Variants in DOK6 observed in about 807,000 individuals in gnomAD.
DOK6 encodes docking protein 6.
Under a neutral mutation model 44.0 loss-of-function variants are expected in DOK6, and 22 were observed. The ratio of observed to expected loss-of-function variants is 0.50; its 90% CI spans 0.36 to 0.71. The LOEUF is 0.71. Among genes scored for constraint, DOK6 ranks in the 30% least tolerant of loss-of-function variants. The probability of loss-of-function intolerance (pLI) is 0.00; values close to 1 mark genes in which losing one functional copy is unlikely to be tolerated. For missense variants in DOK6, 340 were observed against 416.4 expected (o/e 0.82, Z 1.60); for synonymous variants, 166 against 145.5 (o/e 1.14, Z -1.01).
chr18:69,558,960 A>G (rs1242814016), intron 1 of DOK6, among the ~76,000 whole-genome samples: 1 of 152,140 alleles, frequency 6.6e-6, no homozygotes, highest in Non-Finnish European at 1.5e-5. Context: ...GCAACTGTTT[A>G]TAAACCTAAA....
intron 1 of DOK6, among the ~76,000 whole-genome samples, chr18:69,472,218 T>G (rs938037451): frequency 2.6e-5 from 4 of 152,166 alleles, no homozygotes; most frequent in Admixed American, 2.0e-4. Flanking sequence ...GTTAAAGAGA[T>G]ATAATAAAAA....
intron 1 of DOK6, among the ~76,000 whole-genome samples, chr18:69,503,672 G>T (rs745672698): frequency 2.0e-5 from 3 of 151,740 alleles, no homozygotes; most frequent in Non-Finnish European, 4.4e-5. Flanking sequence ...AAGATATTTT[G>T]CTTTAGCTAA....
intron 6 of DOK6, among the ~76,000 whole-genome samples, chr18:69,742,766 T>C (rs1401594398): frequency 1.3e-5 from 2 of 152,242 alleles, no homozygotes; most frequent in East Asian, 3.8e-4. Context: ...AACAAGATTA[T>C]TGCATGTCCT....
rs1982261649 is a variant in DOK6 at position 69,842,838 on chromosome 18, A to C, written c.*1455A>C. Reference sequence around the variant, plus strand: ...TGCCTAAGATGGTTATCTCTCAAATACTCTAGGGTGGGTTTAAAGAACAGT... The same window carrying C: ...TGCCTAAGATGGTTATCTCTCAAATCCTCTAGGGTGGGTTTAAAGAACAGT... On this transcript the variant is annotated 3_prime_UTR_variant, in exon 8 of 8. Transcript: ENST00000382713. 6.6e-6 allele frequency: 1 copy of C among 151,842 alleles called. No individual in the cohort carries two copies. The highest frequency in any genetic ancestry group is 1.5e-5 in the Non-Finnish European group (1 of 67,966). The allele number at this position is 151,842 out of a possible 1,614,324, so 9.4% of individuals were successfully genotyped here.
intron 1 of DOK6, chr18:69,532,724 T>A (rs1038706898): frequency 1.3e-5 from 2 of 152,124 alleles, no homozygotes; most frequent in African/African-American, 2.4e-5. Flanking sequence ...TAGCTGGACA[T>A]GGTGTTCCTC....
At chr18:69,825,174 G>C (rs984793366) in intron 7 of DOK6, among the ~76,000 whole-genome samples, 4 of 152,068 alleles carry the variant, frequency 2.6e-5, no homozygotes, top group African/African-American at 9.7e-5. Context: ...GAGACAAAAA[G>C]ACTCGAACAA....
At chr18:69,801,767 A>C (rs746948860) in intron 7 of DOK6, among the ~76,000 whole-genome samples, 1 of 152,178 alleles carries the variant, frequency 6.6e-6, no homozygotes, top group Non-Finnish European at 1.5e-5. Context: ...TCTCAGATTA[A>C]AACCATCTTA....
At chr18:69,512,128 T>A (rs906238031) in intron 1 of DOK6, among the ~76,000 whole-genome samples, 1 of 138,064 alleles carries the variant, frequency 7.2e-6, no homozygotes, top group Non-Finnish European at 1.6e-5. Context: ...TAAAATATAT[T>A]TTATTTTTGT....
chr18:69,477,262 C>A (rs1454322587), intron 1 of DOK6, among the ~76,000 whole-genome samples: 1 of 152,104 alleles, frequency 6.6e-6, no homozygotes, highest in African/African-American at 2.4e-5. Flanking sequence ...TTTCGAGATC[C>A]GTTCTAAGCC....
intron 3 of DOK6, among the ~76,000 whole-genome samples, chr18:69,646,999 TATCTA>T (rs1431728135): frequency 2.0e-5 from 3 of 152,144 alleles, no homozygotes; most frequent in Non-Finnish European, 4.4e-5. Flanking sequence ...CTAATCTATC[TATCTA>T]ATCTATCTAC....
chr18:69,425,429 G>A (rs1385698090), intron 1 of DOK6, among the ~76,000 whole-genome samples: 2 of 151,706 alleles, frequency 1.3e-5, no homozygotes, highest in African/African-American at 4.8e-5. Flanking sequence ...CGCTCTGCTT[G>A]TGCCCTTAAT....
intron 1 of DOK6, among the ~76,000 whole-genome samples, chr18:69,474,304 T>C (rs1203620622): frequency 2.0e-5 from 3 of 152,098 alleles, no homozygotes; most frequent in African/African-American, 7.2e-5. Flanking sequence ...CCTTTTTTAC[T>C]TTCTTTCTTG....
intron 2 of DOK6, among the ~76,000 whole-genome samples, chr18:69,582,348 T>C (rs1983390017): frequency 6.6e-6 from 1 of 152,216 alleles, no homozygotes; most frequent in Non-Finnish European, 1.5e-5. Flanking sequence ...CTGAATATTA[T>C]GAAATATGCC....
At chr18:69,415,944 A>C (rs1978331353) in intron 1 of DOK6, among the ~76,000 whole-genome samples, 1 of 152,126 alleles carries the variant, frequency 6.6e-6, no homozygotes, top group African/African-American at 2.4e-5. Flanking sequence ...CTCATCATTT[A>C]CAAACCCATC....
intron 1 of DOK6, among the ~76,000 whole-genome samples, chr18:69,511,323 ATTG>A (rs1301019052): frequency 6.6e-6 from 1 of 152,174 alleles, no homozygotes; most frequent in African/African-American, 2.4e-5. Flanking sequence ...GATTCATAAC[ATTG>A]TTATTATTTT....
chr18:69,835,926 T>G (rs17081704), intron 7 of DOK6, among the ~76,000 whole-genome samples: 3,456 of 152,340 alleles, frequency 0.023, 146 homozygotes, highest in African/African-American at 0.078. Context: ...TTTGGGATCT[T>G]TCTGACTTTC....
In DOK6 at chr18:69,744,963, A is replaced by G. The variant is rs142655101; in HGVS notation, c.738+5860A>G. ...AAAAAAAAAACACCCACACATACAC[A>G]TGCCCAAGGAGAAACATGTATCTCT... On this transcript the variant is annotated intron_variant, in intron 6 of 7. Coordinates refer to ENST00000382713, the MANE Select transcript of DOK6 (RefSeq NM_152721.6). 2.6e-3 allele frequency among the ~76,000 whole-genome samples: 388 copies of G among 151,006 alleles called. 1 individual carries two copies. Among genetic ancestry groups the G allele is most frequent in the African/African-American group, 8.9e-3 (366 of 41,198 alleles).
intron 3 of DOK6, among the ~76,000 whole-genome samples, chr18:69,614,545 TG>T (rs1160109086): frequency 5.8e-4 from 1 of 1,724 alleles, no homozygotes; most frequent in East Asian, 0.056. Context: ...ATTTTTTCTT[TG>T]TGTGTGTGTG....
At chr18:69,522,441 G>A (rs1167142049) in intron 1 of DOK6, among the ~76,000 whole-genome samples, 3 of 151,958 alleles carry the variant, frequency 2.0e-5, no homozygotes, top group African/African-American at 4.8e-5. Context: ...CATTCAGAGT[G>A]TATGTTTGCA....
Sources: allele counts gnomAD v4.1 joint callset (sites outside exome capture counted in the v4.1 genomes callset), GRCh38; gene constraint gnomAD v4.1.1; transcripts MANE v1.5; gene names NCBI Gene and HGNC (gene_info 2026-07-23, HGNC 2026-07-21).